The following SLC9A9 variants were observed in gnomAD, a reference collection of about 807,000 sequenced individuals.
SLC9A9 encodes sodium/hydrogen exchanger 9.
SLC9A9 carries 62 observed loss-of-function variants against 77.8 expected under a neutral mutation model. The observed-to-expected ratio is 0.80, with a 90% CI of 0.65 to 0.98. SLC9A9 has a LOEUF of 0.98. Among genes scored for constraint, SLC9A9 ranks in the 50% least tolerant of loss-of-function variants. SLC9A9 has a pLI of 0.00. For synonymous variants in SLC9A9, 320 were observed against 283.5 expected (o/e 1.13, Z -1.29); for missense variants, 775 against 774.9 (o/e 1.00, Z 0.00).
At chr3:143,709,362 C>T (rs1934080052) in intron 4 of SLC9A9, among the ~76,000 whole-genome samples, 1 of 152,064 alleles carries the variant, frequency 6.6e-6, no homozygotes, top group African/African-American at 2.4e-5. Flanking sequence ...GAAATTAATA[C>T]CCCTGGGGAC....
intron 4 of SLC9A9, among the ~76,000 whole-genome samples, chr3:143,721,066 C>T (rs1934486700): frequency 6.6e-6 from 1 of 152,052 alleles, no homozygotes. Flanking sequence ...AAAAATTAGC[C>T]AAGTGTGGTG....
intron 12 of SLC9A9, among the ~76,000 whole-genome samples, chr3:143,430,519 C>T (rs977405280): frequency 2.6e-5 from 4 of 152,156 alleles, no homozygotes; most frequent in Non-Finnish European, 4.4e-5. Flanking sequence ...CTTGGAGGCC[C>T]TAGCTAGTCT....
intron 12 of SLC9A9, among the ~76,000 whole-genome samples, chr3:143,444,868 G>C (rs563172102): frequency 1.3e-5 from 2 of 152,330 alleles, no homozygotes; most frequent in Middle Eastern, 6.8e-3. Context: ...GGCTGTGGTG[G>C]ATGTTGGAAG....
intron 5 of SLC9A9, among the ~76,000 whole-genome samples, chr3:143,671,713 G>A (rs1374834): frequency 6.6e-6 from 1 of 152,210 alleles, no homozygotes; most frequent in Non-Finnish European, 1.5e-5. Context: ...TAAAGACACA[G>A]AAAATACAGC....
chr3:143,748,612 A>G (rs1418217039), intron 4 of SLC9A9, among the ~76,000 whole-genome samples: 1 of 151,986 alleles, frequency 6.6e-6, no homozygotes, highest in Non-Finnish European at 1.5e-5. Context: ...TGGACTTACA[A>G]TGTTCAAAGG....
At chr3:143,772,034 G>A (rs2007539069) in intron 4 of SLC9A9, among the ~76,000 whole-genome samples, 1 of 151,608 alleles carries the variant, frequency 6.6e-6, no homozygotes, top group South Asian at 2.1e-4. Flanking sequence ...GTGTGTGTGT[G>A]TGTGTGTGTG....
At chr3:143,721,576 C>T (rs909445162) in intron 4 of SLC9A9, among the ~76,000 whole-genome samples, 1 of 152,024 alleles carries the variant, frequency 6.6e-6, no homozygotes, top group Non-Finnish European at 1.5e-5. Flanking sequence ...GATAGTCCTC[C>T]CCTGGGCACT....
rs148693800 is a variant in SLC9A9 at position 143,605,653 on chromosome 3, G to A, written c.756-26930C>T. Among the ~76,000 whole-genome samples the A allele has an allele frequency of 4.6e-5, 7 of 152,316 alleles. No individual in the cohort carries two copies. In the East Asian group the frequency reaches 9.6e-4, roughly 21 times the overall value. On this transcript the variant is annotated intron_variant, in intron 6 of 15. Transcript: ENST00000316549. ...TGTGGACCACACATTTGTAACTTAAGCTTTAGACAATCATATTAGCAGATA... is the reference window on the plus strand; with the variant it reads ...TGTGGACCACACATTTGTAACTTAAACTTTAGACAATCATATTAGCAGATA...
chr3:143,265,838 C>T lies in SLC9A9; in HGVS notation c.*864G>A. The stretch of plus-strand genomic sequence containing the variant: ...TTGGGGCTCCTGCACAGTCTGCTGC[C>T]AGGTAGAGAGCAACACAGGCTGCAG... On this transcript the variant is annotated 3_prime_UTR_variant, in exon 16 of 16. Transcript: ENST00000316549. 1 of 590,744 alleles carries T rather than the reference C, an allele frequency of 1.7e-6. No homozygotes were observed. Among genetic ancestry groups the T allele is most frequent in the Non-Finnish European group, 3.0e-6 (1 of 331,368 alleles). The allele number at this position is 590,744 out of a possible 1,614,324, so 36.6% of individuals were successfully genotyped here. A position where few individuals can be genotyped will look rare whatever the true frequency, so the allele number is the denominator to read the frequency against.
chr3:143,590,572 C>A (rs978797236), intron 6 of SLC9A9, among the ~76,000 whole-genome samples: 1 of 152,132 alleles, frequency 6.6e-6, no homozygotes, highest in Non-Finnish European at 1.5e-5. Flanking sequence ...GGGATAGTAT[C>A]AAACAAGGGG....
chr3:143,283,706 T>C (rs1193362200), intron 14 of SLC9A9, among the ~76,000 whole-genome samples: 1 of 152,228 alleles, frequency 6.6e-6, no homozygotes, highest in Non-Finnish European at 1.5e-5. Flanking sequence ...GGCTGAGGTC[T>C]AGACCCCTTT....
In SLC9A9 at chr3:143,652,227, G is replaced by A. The variant is rs770831974; in HGVS notation, c.755+28C>T. On this transcript the variant is annotated intron_variant, in intron 6 of 15. Transcript: ENST00000316549. ...TGAAAGCATATTTCACATGATTAAA[G>A]AAACATAGGCCAAGTTCTGGTACTT... 2.1e-5 allele frequency: 32 copies of A among 1,559,684 alleles called. 1 individual carries two copies. In the Admixed American group the frequency reaches 4.6e-4, roughly 22 times the overall value.
chr3:143,377,525 C>T (rs16853508), intron 13 of SLC9A9, among the ~76,000 whole-genome samples: 3,440 of 152,250 alleles, frequency 0.023, 148 homozygotes, highest in African/African-American at 0.078. Context: ...AACGGATCCA[C>T]CCAGGTTACA....
intron 1 of SLC9A9, among the ~76,000 whole-genome samples, chr3:143,845,122 T>A (rs1208605170): frequency 3.3e-5 from 5 of 152,094 alleles, no homozygotes; most frequent in Non-Finnish European, 7.4e-5. Flanking sequence ...TACTTATTTT[T>A]AAATATCTTA....
intron 9 of SLC9A9, chr3:143,504,119 T>C: frequency 2.1e-6 from 1 of 477,684 alleles, no homozygotes; most frequent in Non-Finnish European, 4.1e-6. Flanking sequence ...TTGCCATGGG[T>C]GGAATCATAC....
At chr3:143,433,841 CATA>C (rs1377826417) in intron 12 of SLC9A9, among the ~76,000 whole-genome samples, 1 of 152,194 alleles carries the variant, frequency 6.6e-6, no homozygotes, top group Non-Finnish European at 1.5e-5. Flanking sequence ...CTGGAAGGTG[CATA>C]TGAAACCTTT....
chr3:143,343,605 T>C (rs2032175859), intron 14 of SLC9A9: 2 of 152,172 alleles, frequency 1.3e-5, no homozygotes, highest in Non-Finnish European at 2.9e-5. Flanking sequence ...GCTGAAGGAC[T>C]CTGAAGATGG....
At chr3:143,504,695 A>G (rs1271577749) in intron 9 of SLC9A9, among the ~76,000 whole-genome samples, 1 of 152,242 alleles carries the variant, frequency 6.6e-6, no homozygotes, top group South Asian at 2.1e-4. Flanking sequence ...GTACTAAGAA[A>G]TGTATTAAAA....
chr3:143,362,562 A>T (rs1334708059), intron 14 of SLC9A9, among the ~76,000 whole-genome samples: 2 of 151,234 alleles, frequency 1.3e-5, no homozygotes, highest in South Asian at 4.2e-4. Context: ...CTATTCTTTG[A>T]ATTTCCTTTC....
Sources: gnomAD v4.1 joint callset for allele counts (sites outside exome capture counted in the v4.1 genomes callset) on GRCh38, gnomAD v4.1.1 for gene constraint, MANE v1.5 for transcripts, NCBI Gene and HGNC (gene_info 2026-07-23, HGNC 2026-07-21) for gene names.